Variants in WDR4 observed in about 807,000 individuals in gnomAD.
WDR4 encodes the protein WDR4 tRNA N7-guanosine methyltransferase non-catalytic subunit, also known as tRNA (guanine-N(7)-)-methyltransferase non-catalytic subunit WDR4.
In WDR4, 47 loss-of-function variants were observed where a neutral mutation model predicts 48.6. The ratio of observed to expected loss-of-function variants is 0.97; its 90% CI spans 0.77 to 1.23. The LOEUF (loss-of-function observed/expected upper bound fraction) is 1.23. WDR4 is among the 50% of genes most tolerant of loss of function. WDR4 has a pLI of 0.00. For synonymous variants in WDR4, 268 were observed against 230.0 expected, an observed-to-expected ratio of 1.17 and a Z score of -1.49; for missense variants, 606 against 551.6, an observed-to-expected ratio of 1.10 and a Z score of -0.99.
chr21:42,857,422 ACACACCCAGCCT>A (rs2058021454), intron 6 of WDR4, among the ~76,000 whole-genome samples: 5 of 152,148 alleles, frequency 3.3e-5, no homozygotes, highest in Non-Finnish European at 5.9e-5. Context: ...CCCTGGGTGC[ACACACCCAGCCT>A]CTGAGGCCGG....
At chr21:42,874,059 T>C (rs1050770777) in intron 2 of WDR4, among the ~76,000 whole-genome samples, 1 of 152,186 alleles carries the variant, frequency 6.6e-6, no homozygotes, top group African/African-American at 2.4e-5. Context: ...CTCAGACCTA[T>C]AATCTCAGCA....
chr21:42,852,140 C>G (rs1360691906), intron 10 of WDR4, 115 bp downstream of exon 10: 1 of 1,098,462 alleles, frequency 9.1e-7, no homozygotes, highest in Non-Finnish European at 1.3e-6. Context: ...CACGCTTACT[C>G]TCCCTCTTTA....
At chr21:42,863,328 C>T (rs2146049978) in intron 4 of WDR4, 112 bp downstream of exon 4, 1 of 1,339,110 alleles carries the variant, frequency 7.5e-7, no homozygotes, top group East Asian at 2.4e-5. Flanking sequence ...TGGACAGGTG[C>T]CTGAGCCTTG....
Position 42,862,537 on chromosome 21 carries a change from C to CT in WDR4, c.454-144dup. On this transcript the variant is annotated intron_variant, in intron 4 of 10. Coordinates refer to ENST00000398208, the MANE Select transcript of WDR4 (RefSeq NM_018669.6). The surrounding 1 kb of genome is among the most constrained non-coding windows in gnomAD (Gnocchi z 4.3). The stretch of plus-strand genomic sequence containing the variant: ...AGGACAGACCAGCGTGGCTCCTCCC[C>CT]TCCTCCCGTCCCTACGTCTAATTGG... The CT allele has an allele frequency of 1.5e-6, 1 of 685,852 alleles. No individual in the cohort carries two copies. Among genetic ancestry groups the CT allele is most frequent in the Non-Finnish European group, 2.5e-6 (1 of 405,282 alleles). 42.5% of individuals were successfully genotyped at this position (685,852 alleles called of 1,614,324 possible).
Position 42,879,496 on chromosome 21 carries a change from G to A in WDR4, c.-1C>T. On this transcript the variant is annotated 5_prime_UTR_variant, in exon 1 of 11. Coordinates refer to ENST00000398208, the MANE Select transcript of WDR4 (RefSeq NM_018669.6). ...ACGCCAGTCCCACAGAGCCCGCCATGTACCCGCCCGCCTCACCGCCATACA... is the reference window on the plus strand; with the variant it reads ...ACGCCAGTCCCACAGAGCCCGCCATATACCCGCCCGCCTCACCGCCATACA... 2 of 1,612,990 alleles carry A rather than the reference G, an allele frequency of 1.2e-6. No homozygotes were observed. The highest frequency in any genetic ancestry group is 1.7e-4 in the Middle Eastern group (1 of 6,060).
chr21:42,849,851 A>G lies in WDR4; in HGVS notation c.*198T>C. On this transcript the variant is annotated 3_prime_UTR_variant, in exon 11 of 11. Transcript: ENST00000398208. ...TGGTCTGGCTTCCCTTCAACCAGAA[A>G]GGGGGCACAGGCACCCAGCAAGAGC... The G allele has an allele frequency of 1.7e-6, 1 of 605,328 alleles. No individual in the cohort carries two copies. The highest frequency in any genetic ancestry group is 2.7e-6 in the Non-Finnish European group (1 of 365,458). The allele number at this position is 605,328 out of a possible 1,614,324, so 37.5% of individuals were successfully genotyped here.
At chr21:42,843,814 C>T (rs915740340) in intron 11 of WDR4, among the ~76,000 whole-genome samples, 4 of 152,122 alleles carry the variant, frequency 2.6e-5, no homozygotes, top group Non-Finnish European at 2.9e-5. Context: ...ATCCACTGTC[C>T]TCCCAAAATG....
intron 3 of WDR4, among the ~76,000 whole-genome samples, chr21:42,873,139 C>T (rs529364341): frequency 6.6e-6 from 1 of 152,230 alleles, no homozygotes; most frequent in Admixed American, 6.5e-5. Context: ...TGGTACAGAC[C>T]CCTCAACAGA....
At chr21:42,858,742 A>G (rs1235737517) in intron 6 of WDR4, among the ~76,000 whole-genome samples, 1 of 152,170 alleles carries the variant, frequency 6.6e-6, no homozygotes, top group Non-Finnish European at 1.5e-5. Context: ...GATTATGGCC[A>G]CACTTTTCTT....
At chr21:42,881,764 C>A (rs2058612598), upstream of WDR4, among the ~76,000 whole-genome samples, 1 of 152,170 alleles carries the variant, frequency 6.6e-6, no homozygotes, top group South Asian at 2.1e-4. Context: ...TCCTTGTAGT[C>A]CTAGATATAG....
intron 5 of WDR4, among the ~76,000 whole-genome samples, chr21:42,861,984 A>G (rs1157795004): frequency 6.6e-6 from 1 of 152,130 alleles, no homozygotes; most frequent in Non-Finnish European, 1.5e-5. Flanking sequence ...ACTCCCGGGC[A>G]TGGTGCAGGG....
chr21:42,870,934 T>C (rs750490583), intron 3 of WDR4, among the ~76,000 whole-genome samples: 1 of 152,244 alleles, frequency 6.6e-6, no homozygotes, highest in Admixed American at 6.5e-5. Context: ...TGAACTGTTA[T>C]GTGCTTAACT....
chr21:42,878,904 C>T, intron 1 of WDR4: 1 of 962,838 alleles, frequency 1.0e-6, no homozygotes, highest in Non-Finnish European at 1.2e-6. Flanking sequence ...GGATGCAGGC[C>T]GGGAAGAGGG....
intron 1 of WDR4, chr21:42,879,089 G>C: frequency 8.6e-7 from 1 of 1,166,162 alleles, no homozygotes; most frequent in Non-Finnish European, 1.1e-6. Context: ...CTACCTACCC[G>C]GTCCCCGCCG....
rs533523494 is a variant in WDR4 at position 42,872,232 on chromosome 21, G to A, written c.296+1319C>T. On this transcript the variant is annotated intron_variant, in intron 3 of 10. Coordinates refer to ENST00000398208, the MANE Select transcript of WDR4 (RefSeq NM_018669.6). ...CTCCTAATCTCAGGTGATCCGATCC[G>A]CCTGCCTCGGCCTCCCAAAGTGCTA... is the stretch of plus-strand genomic sequence containing the variant. Among the ~76,000 whole-genome samples the A allele has an allele frequency of 4.6e-5, 7 of 152,122 alleles. No individual in the cohort carries two copies. The East Asian group carries it at 5.8e-4, about 13-fold the overall frequency.
At chr21:42,859,597 G>GCCCCCCC in intron 6 of WDR4, 65 bp downstream of exon 6, 17 of 708,180 alleles carry the variant, frequency 2.4e-5, no homozygotes, top group Middle Eastern at 3.5e-4. Context: ...TCCAGGAGGC[G>GCCCCCCC]CCCACCCCAC....
At chr21:42,888,704 T>G in the WDR4 span, among the ~76,000 whole-genome samples, 4 of 151,230 alleles carry the variant, frequency 2.6e-5, no homozygotes, top group South Asian at 6.3e-4. Flanking sequence ...TTATAATTTT[T>G]TTTTTTTTTT....
chr21:42,890,961 G>C, the WDR4 span, among the ~76,000 whole-genome samples: 1 of 152,092 alleles, frequency 6.6e-6, no homozygotes, highest in Non-Finnish European at 1.5e-5. Flanking sequence ...GCTCCCTCTA[G>C]TCTTAGGCAC....
chr21:42,851,485 G>A (rs561458227), intron 10 of WDR4, among the ~76,000 whole-genome samples: 1 of 152,220 alleles, frequency 6.6e-6, no homozygotes, highest in Admixed American at 6.5e-5. Context: ...GAACCTCAGT[G>A]CTCACTGCAG....
Sources: gnomAD v4.1 joint callset for allele counts (sites outside exome capture counted in the v4.1 genomes callset) on GRCh38, gnomAD v4.1.1 for gene constraint, Gnocchi (gnomAD v3.1) non-coding constraint, MANE v1.5 for transcripts, NCBI Gene and HGNC (gene_info 2026-07-23, HGNC 2026-07-21) for gene names.